PPM1L: variants seen among roughly 807,000 people sequenced by gnomAD.
The protein encoded by PPM1L is protein phosphatase, Mg2+/Mn2+ dependent 1L.
PPM1L carries 13 observed loss-of-function variants against 31.4 expected under a neutral mutation model. The observed-to-expected ratio is 0.41, with a 90% confidence interval of 0.27 to 0.66. The LOEUF is 0.66. Ranked by LOEUF, PPM1L falls within the 30% of genes least tolerant of loss-of-function variation. The pLI is 0.29. For missense variants in PPM1L, 326 were observed against 453.7 expected (o/e 0.72, Z 2.56); for synonymous variants, 184 against 175.4 (o/e 1.05, Z -0.39).
At chr3:161,066,623 G>GT (rs1719748803) in intron 3 of PPM1L, among the ~76,000 whole-genome samples, 1 of 152,178 alleles carries the variant, frequency 6.6e-6, no homozygotes, top group East Asian at 1.9e-4. Context: ...GAAGAATTCT[G>GT]TAACTTTTCA....
chr3:160,992,105 A>G (rs2108044416), intron 2 of PPM1L, among the ~76,000 whole-genome samples: 1 of 152,316 alleles, frequency 6.6e-6, no homozygotes, highest in African/African-American at 2.4e-5. Flanking sequence ...ATTCGAACCC[A>G]GGAAATCTAT....
At chr3:160,885,537 A>G (rs1248223884) in intron 1 of PPM1L, among the ~76,000 whole-genome samples, 2 of 152,230 alleles carry the variant, frequency 1.3e-5, no homozygotes, top group East Asian at 3.9e-4. Context: ...TTCTCTCATC[A>G]GAACCAACTA....
intron 1 of PPM1L, among the ~76,000 whole-genome samples, chr3:160,801,354 T>C (rs1306849037): frequency 6.6e-6 from 1 of 152,200 alleles, no homozygotes; most frequent in East Asian, 1.9e-4. Flanking sequence ...CATTTTGCAC[T>C]TGGGGCAAAG....
At chr3:160,942,485 T>G (rs1715194406) in intron 1 of PPM1L, among the ~76,000 whole-genome samples, 2 of 152,238 alleles carry the variant, frequency 1.3e-5, no homozygotes. Context: ...CTTGTCAGTG[T>G]GGCAATTTAT....
intron 1 of PPM1L, among the ~76,000 whole-genome samples, chr3:160,888,579 G>T (rs995188845): frequency 6.6e-6 from 1 of 152,112 alleles, no homozygotes; most frequent in African/African-American, 2.4e-5. Context: ...CACAATAATA[G>T]TGGGAGACTT....
At chr3:160,876,538 C>T (rs1021300411) in intron 1 of PPM1L, among the ~76,000 whole-genome samples, 3 of 152,156 alleles carry the variant, frequency 2.0e-5, no homozygotes, top group African/African-American at 7.2e-5. Context: ...CTCTGTGCTC[C>T]TCAGCAAAGC....
At chr3:160,983,451 G>A (rs1716866045) in intron 2 of PPM1L, among the ~76,000 whole-genome samples, 1 of 151,404 alleles carries the variant, frequency 6.6e-6, no homozygotes, top group South Asian at 2.1e-4. Flanking sequence ...TGGGATAGGG[G>A]GTGGGTAATA....
intron 2 of PPM1L, among the ~76,000 whole-genome samples, chr3:160,972,769 C>T (rs1025298156): frequency 3.4e-4 from 51 of 152,104 alleles, no homozygotes; most frequent in Non-Finnish European, 5.3e-4. Context: ...CCTGAGGAAT[C>T]GCCACACTGA....
intron 1 of PPM1L, among the ~76,000 whole-genome samples, chr3:160,907,100 T>G (rs1365368553): frequency 2.0e-5 from 3 of 152,200 alleles, no homozygotes; most frequent in African/African-American, 7.2e-5. Flanking sequence ...AGGGGCTGCT[T>G]ACCATTATAT....
chr3:160,982,356 C>T (rs1374787), intron 2 of PPM1L, among the ~76,000 whole-genome samples: 54,421 of 151,930 alleles, frequency 0.36, 10,032 homozygotes, highest in East Asian at 0.62. Context: ...TTTTTTATAG[C>T]GGCATCCTAA....
chr3:160,923,248 C>G (rs1262762090), intron 1 of PPM1L, among the ~76,000 whole-genome samples: 1 of 152,170 alleles, frequency 6.6e-6, no homozygotes, highest in South Asian at 2.1e-4. Context: ...GATCATGAGA[C>G]TTTGGGCAGC....
At chr3:161,003,017 A>C (rs1439633372) in intron 2 of PPM1L, among the ~76,000 whole-genome samples, 4 of 150,638 alleles carry the variant, frequency 2.7e-5, no homozygotes, top group African/African-American at 9.7e-5. Context: ...ATTTTTGTAT[A>C]AAGTGTAAGG....
chr3:160,929,189 T>C (rs371090044), intron 1 of PPM1L, among the ~76,000 whole-genome samples: 2 of 152,022 alleles, frequency 1.3e-5, no homozygotes, highest in East Asian at 3.9e-4. Context: ...CCAATTAGAG[T>C]GTATTCAGTA....
intron 2 of PPM1L, among the ~76,000 whole-genome samples, chr3:161,058,428 C>A (rs1348766100): frequency 6.6e-6 from 1 of 151,606 alleles, no homozygotes; most frequent in Non-Finnish European, 1.5e-5. Flanking sequence ...CCCAGCCCAT[C>A]ATTTTCATTA....
intron 2 of PPM1L, among the ~76,000 whole-genome samples, chr3:161,002,332 T>C (rs1717520700): frequency 6.6e-6 from 1 of 152,200 alleles, no homozygotes; most frequent in African/African-American, 2.4e-5. Flanking sequence ...GCATGATTTA[T>C]AGTCGTTTGG....
Position 161,048,110 on chromosome 3 carries a change from T to C in PPM1L, c.575-17293T>C, listed in dbSNP as rs533248765. The stretch of plus-strand genomic sequence containing the variant: ...ATGGGATCTAATTAAACTAAAGAGC[T>C]TCTGCACAGCAAAAGAAACTACCAT... On this transcript the variant is annotated intron_variant, in intron 2 of 3. Transcript: ENST00000498165. Among the ~76,000 whole-genome samples, 5 of 152,250 alleles carry C rather than the reference T, an allele frequency of 3.3e-5. No individual in the cohort carries two copies. The South Asian group carries it at 6.2e-4, about 19-fold the overall frequency.
chr3:160,829,623 T>A (rs1560118822), intron 1 of PPM1L, among the ~76,000 whole-genome samples: 1 of 152,198 alleles, frequency 6.6e-6, no homozygotes, highest in Non-Finnish European at 1.5e-5. Flanking sequence ...ATCAGGGCTT[T>A]CTGTTTCCTT....
At chr3:160,912,384 A>G (rs1293142840) in intron 1 of PPM1L, among the ~76,000 whole-genome samples, 5 of 152,166 alleles carry the variant, frequency 3.3e-5, no homozygotes, top group Admixed American at 1.3e-4. Context: ...TATCACATCT[A>G]ACTCTGCCTG....
At position 161,069,192 on chromosome 3, in the gene PPM1L, G is replaced by A. The variant is rs752909297; in HGVS notation, c.*35G>A. 4 of 1,455,878 alleles carry A rather than the reference G, an allele frequency of 2.7e-6. No homozygotes were observed. Among genetic ancestry groups the A allele is most frequent in the Non-Finnish European group, 3.8e-6 (4 of 1,061,728 alleles). 90.2% of individuals were successfully genotyped at this position (1,455,878 alleles called of 1,614,324 possible). A position where few individuals can be genotyped will look rare whatever the true frequency, so the allele number is the denominator to read the frequency against. On this transcript the variant is annotated 3_prime_UTR_variant, in exon 4 of 4. Coordinates refer to ENST00000498165, the MANE Select transcript of PPM1L (RefSeq NM_139245.4). Reference sequence around the variant, plus strand: ...GGGTCTCAGCTGCCTTAGACTAAAGGACTTTCAACACACTGGTCTCTTTTA... The same window carrying A: ...GGGTCTCAGCTGCCTTAGACTAAAGAACTTTCAACACACTGGTCTCTTTTA...
Sources: allele counts gnomAD v4.1 joint callset (sites outside exome capture counted in the v4.1 genomes callset), GRCh38; gene constraint gnomAD v4.1.1; transcripts MANE v1.5; gene names NCBI Gene and HGNC (gene_info 2026-07-23, HGNC 2026-07-21).